WDR7: variants seen among roughly 807,000 people sequenced by gnomAD.
WDR7 encodes WD repeat domain 7.
In WDR7, 46 loss-of-function variants were observed where a neutral mutation model predicts 169.4. The ratio of observed to expected loss-of-function variants is 0.27; its 90% CI spans 0.21 to 0.35. WDR7 has a LOEUF of 0.35. Among genes scored for constraint, WDR7 ranks in the 10% least tolerant of loss-of-function variants. WDR7 has a pLI of 1.00. For missense variants in WDR7, 1,534 were observed against 1,859.3 expected, an observed-to-expected ratio of 0.83 and a Z score of 3.22; for synonymous variants, 612 against 666.8, an observed-to-expected ratio of 0.92 and a Z score of 1.27.
At chr18:56,883,519 T>A (rs576607011) in intron 21 of WDR7, among the ~76,000 whole-genome samples, 2 of 151,856 alleles carry the variant, frequency 1.3e-5, no homozygotes, top group East Asian at 1.9e-4. Context: ...TTTTTTTTTT[T>A]AAATTTCAAT....
intron 26 of WDR7, 77 bp from the exon 27 acceptor site, chr18:57,020,668 A>C: frequency 1.5e-6 from 2 of 1,326,710 alleles, no homozygotes; most frequent in Non-Finnish European, 2.1e-6. Context: ...CTTGTTCAAC[A>C]TTGAATGCAT....
chr18:56,961,540 G>A lies in WDR7; in HGVS notation c.4065-890G>A, dbSNP rs183782267. 1.6e-3 allele frequency among the ~76,000 whole-genome samples: 245 copies of A among 152,072 alleles called. 1 individual carries two copies. Among genetic ancestry groups the A allele is most frequent in the Non-Finnish European group, 2.7e-3 (181 of 67,962 alleles). Reference sequence around the variant, plus strand: ...TGGGAAGGTATATTTGAAACTATTCGCAGATATAAAATTATACCTTATTTA... The same window carrying A: ...TGGGAAGGTATATTTGAAACTATTCACAGATATAAAATTATACCTTATTTA... On this transcript the variant is annotated intron_variant, in intron 25 of 27. Coordinates refer to ENST00000254442, the MANE Select transcript of WDR7 (RefSeq NM_015285.3).
intron 22 of WDR7, among the ~76,000 whole-genome samples, chr18:56,925,246 A>G (rs115713562): frequency 8.9e-4 from 135 of 152,318 alleles, no homozygotes; most frequent in Middle Eastern, 3.4e-3. Flanking sequence ...ACATTTGTGC[A>G]TAAGTATTTG....
At chr18:56,712,683 A>T (rs1286683168) in intron 12 of WDR7, among the ~76,000 whole-genome samples, 1 of 152,184 alleles carries the variant, frequency 6.6e-6, no homozygotes, top group Non-Finnish European at 1.5e-5. Context: ...AATACTATCT[A>T]AGTTGATAGA....
At chr18:56,924,233 T>A in intron 22 of WDR7, 125 bp downstream of exon 22, 1 of 1,105,352 alleles carries the variant, frequency 9.0e-7, no homozygotes, top group Non-Finnish European at 1.3e-6. Context: ...CACAAATGTT[T>A]CAATATGTGA....
chr18:56,845,240 A>G (rs1216150821), intron 20 of WDR7, among the ~76,000 whole-genome samples: 1 of 152,140 alleles, frequency 6.6e-6, no homozygotes, highest in Non-Finnish European at 1.5e-5. Flanking sequence ...TCTTTTAATA[A>G]TACCTTACTT....
Position 56,731,356 on chromosome 18 carries a change from A to G in WDR7, c.1775-27A>G, listed in dbSNP as rs148888684. Reference sequence around the variant, plus strand: ...ATTCAAAATGTTGTAGTGTTATGAAATATTTGTGAATATATTTTTCTCGCA... The same window carrying G: ...ATTCAAAATGTTGTAGTGTTATGAAGTATTTGTGAATATATTTTTCTCGCA... On this transcript the variant is annotated intron_variant, in intron 13 of 27. Coordinates refer to ENST00000254442, the MANE Select transcript of WDR7 (RefSeq NM_015285.3). The G allele has an allele frequency of 3.3e-3, 5,318 of 1,605,860 alleles. 42 individuals carry two copies. The highest frequency in any genetic ancestry group is 8.9e-3 in the Middle Eastern group (51 of 5,728).
At chr18:56,905,354 G>T (rs2145579478) in intron 21 of WDR7, among the ~76,000 whole-genome samples, 1 of 152,106 alleles carries the variant, frequency 6.6e-6, no homozygotes, top group East Asian at 1.9e-4. Context: ...TCTCCATGTT[G>T]GCCAGGCTGG....
At chr18:56,692,116 A>G (rs2025583693) in intron 9 of WDR7, among the ~76,000 whole-genome samples, 2 of 152,318 alleles carry the variant, frequency 1.3e-5, no homozygotes, top group South Asian at 2.1e-4. Context: ...TATTTTACAT[A>G]CTATCATGCA....
At chr18:56,809,322 C>G (rs1468152542) in intron 19 of WDR7, among the ~76,000 whole-genome samples, 2 of 151,784 alleles carry the variant, frequency 1.3e-5, no homozygotes, top group African/African-American at 4.8e-5. Flanking sequence ...CTGTTATTTT[C>G]TAGTATATTT....
At chr18:56,669,839 T>C (rs901005433) in intron 1 of WDR7, among the ~76,000 whole-genome samples, 2 of 152,184 alleles carry the variant, frequency 1.3e-5, no homozygotes, top group Non-Finnish European at 2.9e-5. Context: ...TATAAAGCTT[T>C]TGGAACATAT....
chr18:56,701,594 A>G (rs927907956), intron 12 of WDR7, among the ~76,000 whole-genome samples: 11 of 152,116 alleles, frequency 7.2e-5, no homozygotes, highest in Admixed American at 7.2e-4. Context: ...CGAGCTTTTT[A>G]TGTTGTTATT....
intron 22 of WDR7, among the ~76,000 whole-genome samples, chr18:56,930,327 G>A (rs2046864752): frequency 6.6e-6 from 1 of 152,168 alleles, no homozygotes; most frequent in Middle Eastern, 3.2e-3. Context: ...TGGGGGTGAG[G>A]AGTGGAGACA....
rs115719429 is a variant in WDR7 at position 56,857,562 on chromosome 18, C to A, written c.3305-22382C>A. ...GTGAGCCACTGTGCCCAACCAGCAG[C>A]ATAAAGCTTTACGTACACGCCTATG... On this transcript the variant is annotated intron_variant, in intron 20 of 27. Transcript: ENST00000254442. 8.4e-3 allele frequency among the ~76,000 whole-genome samples: 1,272 copies of A among 152,136 alleles called. 26 individuals carry two copies. Among genetic ancestry groups the A allele is most frequent in the African/African-American group, 0.027 (1,120 of 41,536 alleles).
At chr18:56,880,658 T>C (rs1382423789) in intron 21 of WDR7, among the ~76,000 whole-genome samples, 1 of 152,188 alleles carries the variant, frequency 6.6e-6, no homozygotes, top group Non-Finnish European at 1.5e-5. Context: ...ATAATACATA[T>C]AAATAATACA....
intron 26 of WDR7, among the ~76,000 whole-genome samples, chr18:56,963,779 A>G (rs1337368538): frequency 6.6e-6 from 1 of 152,170 alleles, no homozygotes; most frequent in African/African-American, 2.4e-5. Flanking sequence ...CTTGTTTAAA[A>G]GTTAAATTGC....
intron 21 of WDR7, among the ~76,000 whole-genome samples, chr18:56,902,429 T>C (rs2046416234): frequency 6.6e-6 from 1 of 152,324 alleles, no homozygotes; most frequent in Middle Eastern, 3.4e-3. Context: ...CTATATTTTT[T>C]AAATGCTAGA....
At chr18:56,779,636 T>G in intron 18 of WDR7, 87 bp downstream of exon 18, 1 of 921,552 alleles carries the variant, frequency 1.1e-6, no homozygotes, top group East Asian at 2.6e-5. Flanking sequence ...GATTACTGTT[T>G]ATCTGATTTA....
intron 16 of WDR7, among the ~76,000 whole-genome samples, chr18:56,759,465 G>A (rs2043949080): frequency 6.6e-6 from 1 of 152,016 alleles, no homozygotes; most frequent in Non-Finnish European, 1.5e-5. Context: ...GGAGATGGAG[G>A]AGAAGAAAGG....
Sources: gnomAD v4.1 joint callset for allele counts (sites outside exome capture counted in the v4.1 genomes callset) on GRCh38, gnomAD v4.1.1 for gene constraint, MANE v1.5 for transcripts, NCBI Gene and HGNC (gene_info 2026-07-23, HGNC 2026-07-21) for gene names.